GABRB1: variants seen among roughly 807,000 people sequenced by gnomAD.
The protein encoded by GABRB1 is gamma-aminobutyric acid receptor subunit beta-1.
In GABRB1, 17 loss-of-function variants were observed where a neutral mutation model predicts 51.6. The observed-to-expected ratio is 0.33, with a 90% CI of 0.23 to 0.49. GABRB1 has a LOEUF of 0.49. Among genes scored for constraint, GABRB1 ranks in the 20% least tolerant of loss-of-function variants. GABRB1 has a pLI of 0.99. For missense variants in GABRB1, 410 were observed against 600.6 expected, an observed-to-expected ratio of 0.68 and a Z score of 3.32; for synonymous variants, 247 against 218.9, an observed-to-expected ratio of 1.13 and a Z score of -1.14.
At chr4:47,219,240 A>C (rs1378130647) in intron 4 of GABRB1, among the ~76,000 whole-genome samples, 1 of 151,848 alleles carries the variant, frequency 6.6e-6, no homozygotes. Flanking sequence ...TGATATATTA[A>C]AGTTCAATTA....
At chr4:47,055,254 T>C (rs994270265) in intron 3 of GABRB1, among the ~76,000 whole-genome samples, 3 of 152,218 alleles carry the variant, frequency 2.0e-5, no homozygotes, top group Admixed American at 6.5e-5. Flanking sequence ...GAATCTTGAA[T>C]AGAGATGGTT....
intron 5 of GABRB1, among the ~76,000 whole-genome samples, chr4:47,361,850 T>A (rs1438875148): frequency 6.6e-6 from 1 of 152,110 alleles, no homozygotes; most frequent in Non-Finnish European, 1.5e-5. Flanking sequence ...TGAGGTGGCT[T>A]TAAGTCATCA....
At chr4:47,140,500 A>T (rs923523554) in intron 3 of GABRB1, among the ~76,000 whole-genome samples, 1 of 152,028 alleles carries the variant, frequency 6.6e-6, no homozygotes, top group Admixed American at 6.6e-5. Flanking sequence ...TGTATCTGAA[A>T]AAAGGATAGA....
Position 47,371,671 on chromosome 4 carries a change from C to T in GABRB1, c.545-31647C>T, listed in dbSNP as rs566870303. On this transcript the variant is annotated intron_variant, in intron 5 of 8. Coordinates refer to ENST00000295454, the MANE Select transcript of GABRB1 (RefSeq NM_000812.4). ...GGTATCTCGTTGTGGTTTTGATGGG[C>T]GTTTCTCTAATGATCCGTGATGTTG... Among the ~76,000 whole-genome samples, 6 of 152,236 alleles carry T rather than the reference C, an allele frequency of 3.9e-5. No homozygotes were observed. The South Asian group carries it at 6.2e-4, about 16-fold the overall frequency.
chr4:47,052,282 A>G (rs1726385027), intron 3 of GABRB1, among the ~76,000 whole-genome samples: 1 of 152,212 alleles, frequency 6.6e-6, no homozygotes, highest in Non-Finnish European at 1.5e-5. Flanking sequence ...AACATGAGAA[A>G]GATGTGAGTT....
chr4:47,218,429 G>A (rs1230402830), intron 4 of GABRB1, among the ~76,000 whole-genome samples: 2 of 151,594 alleles, frequency 1.3e-5, no homozygotes, highest in Non-Finnish European at 3.0e-5. Flanking sequence ...TTGCATAATG[G>A]CTACACTAAC....
intron 5 of GABRB1, among the ~76,000 whole-genome samples, chr4:47,355,728 C>T (rs186418354): frequency 1.3e-5 from 2 of 152,206 alleles, no homozygotes; most frequent in East Asian, 1.9e-4. Flanking sequence ...GCACCATTAG[C>T]GCAGATATAT....
upstream of GABRB1, among the ~76,000 whole-genome samples, chr4:47,027,369 G>C (rs538621654): frequency 6.6e-6 from 1 of 151,598 alleles, no homozygotes; most frequent in African/African-American, 2.4e-5. Context: ...ATAACAGGAA[G>C]TAAAAATAAA....
chr4:47,266,580 A>G (rs917725410), intron 4 of GABRB1, among the ~76,000 whole-genome samples: 1 of 152,132 alleles, frequency 6.6e-6, no homozygotes, highest in African/African-American at 2.4e-5. Context: ...ATATATTGGT[A>G]TAGTTTTGAG....
chr4:47,320,052 T>G, intron 4 of GABRB1, 75 bp from the exon 5 acceptor site: 1 of 1,008,776 alleles, frequency 9.9e-7, no homozygotes, highest in Non-Finnish European at 1.6e-6. Flanking sequence ...TAAACATGAT[T>G]TGGGGCTAGG....
At chr4:47,417,022 A>G (rs1343257463) in intron 8 of GABRB1, among the ~76,000 whole-genome samples, 1 of 152,230 alleles carries the variant, frequency 6.6e-6, no homozygotes, top group Non-Finnish European at 1.5e-5. Context: ...CTACTAAAAC[A>G]TAGAATGGGA....
At chr4:47,397,685 G>A (rs567134698) in intron 5 of GABRB1, among the ~76,000 whole-genome samples, 107 of 151,916 alleles carry the variant, frequency 7.0e-4, no homozygotes, top group Non-Finnish European at 1.3e-3. Flanking sequence ...TCCTCCTTCA[G>A]CCTCCTGAGT....
intron 3 of GABRB1, among the ~76,000 whole-genome samples, chr4:47,041,024 C>T (rs532341112): frequency 1.3e-5 from 2 of 152,200 alleles, no homozygotes; most frequent in East Asian, 3.9e-4. Flanking sequence ...CACTGTATCG[C>T]TAAAGTGATT....
At chr4:47,298,848 G>C (rs569933348) in intron 4 of GABRB1, among the ~76,000 whole-genome samples, 4,468 of 151,946 alleles carry the variant, frequency 0.029, 88 homozygotes, top group African/African-American at 0.052. Context: ...ATACTACAAG[G>C]CTACAGTAAC....
chr4:47,152,593 T>G (rs570185759), intron 3 of GABRB1, among the ~76,000 whole-genome samples: 8 of 152,100 alleles, frequency 5.3e-5, no homozygotes, highest in African/African-American at 1.9e-4. Context: ...CATAGCTGTG[T>G]TTTTCCTTGA....
chr4:47,093,614 C>A (rs1714240304), intron 3 of GABRB1, among the ~76,000 whole-genome samples: 1 of 152,156 alleles, frequency 6.6e-6, no homozygotes, highest in Non-Finnish European at 1.5e-5. Flanking sequence ...TCACAGTCTG[C>A]AGTTACTACT....
At chr4:47,062,643 C>T (rs1726891861) in intron 3 of GABRB1, among the ~76,000 whole-genome samples, 1 of 151,966 alleles carries the variant, frequency 6.6e-6, no homozygotes, top group African/African-American at 2.4e-5. Context: ...TTTTCTATAG[C>T]CTTCTAATTC....
At chr4:47,151,523 C>G (rs1171561733) in intron 3 of GABRB1, among the ~76,000 whole-genome samples, 1 of 151,900 alleles carries the variant, frequency 6.6e-6, no homozygotes, top group African/African-American at 2.4e-5. Context: ...CTTGGGTTAC[C>G]ATGCATACCA....
At chr4:47,296,907 G>C (rs1315376400) in intron 4 of GABRB1, among the ~76,000 whole-genome samples, 1 of 152,124 alleles carries the variant, frequency 6.6e-6, no homozygotes, top group Non-Finnish European at 1.5e-5. Context: ...ATAACAAACT[G>C]TCTCTCAGAG....
Sources: gnomAD v4.1 joint callset for allele counts (sites outside exome capture counted in the v4.1 genomes callset) on GRCh38, gnomAD v4.1.1 for gene constraint, MANE v1.5 for transcripts, NCBI Gene and HGNC (gene_info 2026-07-23, HGNC 2026-07-21) for gene names.